The following FBXL12 variants were observed in gnomAD, a reference collection of about 807,000 sequenced individuals.
The protein encoded by FBXL12 is F-box and leucine rich repeat protein 12, also known as F-box/LRR-repeat protein 12.
In FBXL12, 22 loss-of-function variants were observed where a neutral mutation model predicts 24.9. The observed-to-expected ratio is 0.88, with a 90% confidence interval of 0.63 to 1.26. The LOEUF is 1.26. Among genes scored for constraint, FBXL12 ranks in the 50% most tolerant of loss-of-function variants. The pLI is 0.00. For synonymous variants in FBXL12, 193 were observed against 193.8 expected (o/e 1.00, Z 0.03); for missense variants, 384 against 434.1 (o/e 0.88, Z 1.03).
chr19:9,812,530 C>CAA (rs374538314), intron 2 of FBXL12, among the ~76,000 whole-genome samples: 834 of 32,190 alleles, frequency 0.026, 59 homozygotes, highest in African/African-American at 0.06. Flanking sequence ...GACTCTGTCT[C>CAA]AAAAAAAAAA....
At chr19:9,812,890 A>G (rs919868578) in intron 2 of FBXL12, among the ~76,000 whole-genome samples, 1 of 152,098 alleles carries the variant, frequency 6.6e-6, no homozygotes, top group Non-Finnish European at 1.5e-5. Context: ...CCTGACCAAC[A>G]TGGAGAAACC....
chr19:9,814,590 A>C (rs1288786390), intron 2 of FBXL12: 1 of 151,304 alleles, frequency 6.6e-6, no homozygotes, highest in Non-Finnish European at 1.5e-5. Context: ...CCAGCTTCTC[A>C]GGAGGCTGAG....
rs2045737630 is a variant in FBXL12 at position 9,811,146 on chromosome 19, C to T, written c.731G>A (p.Gly244Asp). ...CGGCATTCCCTCCAGCACAGCCAGG[C>T]CAGGGGCAGAGAGGCCCCTCACGGT... ...RLTVRGLSAP[G>D]LAVLEGMPAL... Residue 244 changes from glycine to aspartate, a missense_variant, in exon 3 of 3, where the codon GGC (glycine) becomes GAC (aspartate). Coordinates refer to ENST00000247977, the MANE Select transcript of FBXL12 (RefSeq NM_017703.3). The surrounding 1 kb of genome is among the most constrained non-coding windows in gnomAD (Gnocchi z 6.0). The T allele has an allele frequency of 6.2e-7, 1 of 1,606,038 alleles. No individual in the cohort carries two copies. Among genetic ancestry groups the T allele is most frequent in the South Asian group, 1.1e-5 (1 of 90,860 alleles).
intron 2 of FBXL12, among the ~76,000 whole-genome samples, chr19:9,812,693 A>T (rs1365075514): frequency 6.6e-6 from 1 of 151,388 alleles, no homozygotes; most frequent in East Asian, 1.9e-4. Flanking sequence ...CACCTCCAGT[A>T]GAAATAAGCA....
rs1362023235 is a variant in FBXL12, at chr19:9,818,883, T to C, written c.-70A>G. The stretch of plus-strand genomic sequence containing the variant: ...GGGGTCCTGGGGGCGCCGAGGCGGC[T>C]GACAGGGCGGCGGCCGCGACCTTCC... On this transcript the variant is annotated 5_prime_UTR_variant, in exon 1 of 3. Transcript: ENST00000247977. The C allele has an allele frequency of 1.4e-6, 2 of 1,431,766 alleles. No homozygotes were observed. Among genetic ancestry groups the C allele is most frequent in the East Asian group, 5.1e-5 (2 of 39,494 alleles). The allele number at this position is 1,431,766 out of a possible 1,614,324, so 88.7% of individuals were successfully genotyped here.
chr19:9,818,766 G>A lies in FBXL12; in HGVS notation c.48C>T (p.Phe16=). 1 of 1,555,894 alleles carries A rather than the reference G, an allele frequency of 6.4e-7. No homozygotes were observed. Among genetic ancestry groups the A allele is most frequent in the Non-Finnish European group, 8.7e-7 (1 of 1,148,560 alleles). The part of the protein sequence containing the change: ...ELPDSVLLEI[F]SYLPVRDRIR... ...TCCGGTCCCGTACCGGGAGGTAAGA[G>A]AAGATCTCGAGCAGGACCGAGTCCG... The change falls in exon 1 of 3, where the codon TTC becomes TTT. Residue 16 remains phenylalanine, a synonymous_variant. Transcript: ENST00000247977.
Position 9,811,067 on chromosome 19 carries a change from G to A in FBXL12, c.810C>T (p.Ser270=), listed in dbSNP as rs909808450. Residue 270 remains serine, a synonymous_variant, in exon 3 of 3, where the codon TCC becomes TCT. Transcript: ENST00000247977. The surrounding 1 kb of genome is among the most constrained non-coding windows in gnomAD (Gnocchi z 6.0). ...QGPLVTPEMP[S]PTEILSSCLT... is the part of the protein sequence containing the mutation. ...GGCAGGAGGAGAGGATTTCAGTGGG[G>A]GAGGGCATTTCTGGGGTGACGAGGG... is the stretch of plus-strand genomic sequence containing the variant. 5 of 1,612,190 alleles carry A rather than the reference G, an allele frequency of 3.1e-6. No individual in the cohort carries two copies. The highest frequency in any genetic ancestry group is 4.2e-6 in the Non-Finnish European group (5 of 1,178,670).
Position 9,819,017 on chromosome 19 carries a change from G to C in FBXL12, c.-204C>G. 1 of 598,104 alleles carries C rather than the reference G, an allele frequency of 1.7e-6. No individual in the cohort carries two copies. The highest frequency in any genetic ancestry group is 2.0e-5 in the South Asian group (1 of 49,884). 37.0% of individuals were successfully genotyped at this position (598,104 alleles called of 1,614,324 possible). A position where few individuals can be genotyped will look rare whatever the true frequency, so the allele number is the denominator to read the frequency against. ...AAACCAGCCTGGAAAGCGTGGCTGAGGCAGTGAGAGGCTTGCGGGAGGTGG... is the reference window on the plus strand; with the variant it reads ...AAACCAGCCTGGAAAGCGTGGCTGACGCAGTGAGAGGCTTGCGGGAGGTGG... On this transcript the variant is annotated 5_prime_UTR_variant, in exon 1 of 3. Coordinates refer to ENST00000247977, the MANE Select transcript of FBXL12 (RefSeq NM_017703.3).
Position 9,811,711 on chromosome 19 carries a change from G to T in FBXL12, c.166C>A (p.Pro56Thr). The change falls in exon 3 of 3, where the codon CCT (proline) becomes ACT (threonine). Residue 56 changes from proline to threonine, a missense_variant. Physicochemically the swap from Pro to Thr is conservative, Grantham distance 38 (BLOSUM62 -1). Coordinates refer to ENST00000247977, the MANE Select transcript of FBXL12 (RefSeq NM_017703.3). This position sits in a 1 kb window ranked among gnomAD's most constrained non-coding sequence, Gnocchi z 6.0. ...HVDLTLYTMR[P>T]KVMWHLLRRY... is the part of the protein sequence containing the mutation. The stretch of plus-strand genomic sequence containing the variant: ...CGAAGGAGGTGCCACATGACTTTAG[G>T]TCGCATCTGTAAGAGCCAGAGATTG... 6.6e-7 allele frequency: 1 copy of T among 1,510,692 alleles called. No homozygotes were observed. 93.6% of individuals were successfully genotyped at this position (1,510,692 alleles called of 1,614,324 possible). A position where few individuals can be genotyped will look rare whatever the true frequency, so the allele number is the denominator to read the frequency against.
chr19:9,818,789 C>G lies in FBXL12; in HGVS notation c.25G>C (p.Asp9His). ...GAGAAGATCTCGAGCAGGACCGAGT[C>G]CGGCAGTTCGACCAAAGTCGCCATG... MATLVELP[D>H]SVLLEIFSYL... Residue 9 changes from aspartate (D) to histidine (H), a missense_variant, in exon 1 of 3, where the codon GAC becomes CAC. Asp to His is a moderately conservative substitution (Grantham distance 81). Coordinates refer to ENST00000247977, the MANE Select transcript of FBXL12 (RefSeq NM_017703.3). 1.3e-6 allele frequency: 2 copies of G among 1,554,662 alleles called. No homozygotes were observed. Among genetic ancestry groups the G allele is most frequent in the Non-Finnish European group, 1.7e-6 (2 of 1,147,602 alleles).
intron 2 of FBXL12, chr19:9,813,502 ATTTTT>A: frequency 1.3e-5 from 2 of 153,300 alleles, no homozygotes; most frequent in South Asian, 2.7e-4. Context: ...TGCCCGGCTA[ATTTTT>A]TTTTTTTTTT....
chr19:9,813,885 C>T (rs2045817972), intron 2 of FBXL12, among the ~76,000 whole-genome samples: 1 of 151,708 alleles, frequency 6.6e-6, no homozygotes. Context: ...GTGATCTGTC[C>T]ACCTCGGCCT....
intron 2 of FBXL12, among the ~76,000 whole-genome samples, chr19:9,817,878 T>G (rs2045915431): frequency 6.6e-6 from 1 of 152,176 alleles, no homozygotes; most frequent in Non-Finnish European, 1.5e-5. Flanking sequence ...ATAATAGCAA[T>G]TATCTATGAA....
At chr19:9,818,408 G>T in intron 2 of FBXL12, 137 bp downstream of exon 2, 2 of 889,208 alleles carry the variant, frequency 2.2e-6, no homozygotes, top group South Asian at 1.7e-5. Context: ...AAGCGATGAT[G>T]CCGAGATAGG....
chr19:9,811,702 T>C lies in FBXL12; in HGVS notation c.175A>G (p.Met59Val). The C allele has an allele frequency of 6.6e-7, 1 of 1,511,510 alleles. No homozygotes were observed. The highest frequency in any genetic ancestry group is 8.8e-7 in the Non-Finnish European group (1 of 1,130,156). 93.6% of individuals were successfully genotyped at this position (1,511,510 alleles called of 1,614,324 possible). A position where few individuals can be genotyped will look rare whatever the true frequency, so the allele number is the denominator to read the frequency against. The change falls in exon 3 of 3, where the codon ATG (methionine) becomes GTG (valine). Residue 59 changes from methionine to valine, a missense_variant. Coordinates refer to ENST00000247977, the MANE Select transcript of FBXL12 (RefSeq NM_017703.3). The surrounding 1 kb of genome is among the most constrained non-coding windows in gnomAD (Gnocchi z 6.0). Reference sequence around the variant, plus strand: ...ATGTACCTTCGAAGGAGGTGCCACATGACTTTAGGTCGCATCTGTAAGAGC... The same window carrying C: ...ATGTACCTTCGAAGGAGGTGCCACACGACTTTAGGTCGCATCTGTAAGAGC... ...LTLYTMRPKV[M>V]WHLLRRYMAS...
At position 9,811,919 on chromosome 19, in the gene FBXL12, C is replaced by T. The variant is rs573818042; in HGVS notation, c.160-202G>A. On this transcript the variant is annotated intron_variant, in intron 2 of 2. Transcript: ENST00000247977. The surrounding 1 kb of genome is among the most constrained non-coding windows in gnomAD (Gnocchi z 6.0). Reference sequence around the variant, plus strand: ...GAGTGCACCATCTTGCCTGCTAGGGCTTTGAACAAATCTTTTTTTTTTTTT... The same window carrying T: ...GAGTGCACCATCTTGCCTGCTAGGGTTTTGAACAAATCTTTTTTTTTTTTT... Among the ~76,000 whole-genome samples the T allele has an allele frequency of 6.7e-6, 1 of 149,362 alleles. No homozygotes were observed. Among genetic ancestry groups the T allele is most frequent in the East Asian group, 2.0e-4 (1 of 5,056 alleles).
intron 2 of FBXL12, among the ~76,000 whole-genome samples, chr19:9,817,286 CA>C (rs983589850): frequency 1.3e-5 from 2 of 151,936 alleles, no homozygotes; most frequent in African/African-American, 4.8e-5. Flanking sequence ...AGATCCATCT[CA>C]AAAAAATAAA....
chr19:9,814,569 T>A (rs1334773582), intron 2 of FBXL12: 1 of 151,274 alleles, frequency 6.6e-6, no homozygotes, highest in African/African-American at 2.4e-5. Context: ...TGGTGGCACG[T>A]GCCTGTAGTC....
At position 9,818,926 on chromosome 19, in the gene FBXL12, T is replaced by C. The variant is rs528908619; in HGVS notation, c.-113A>G. 2.7e-4 allele frequency: 265 copies of C among 999,608 alleles called. No homozygotes were observed. Among genetic ancestry groups the C allele is most frequent in the Admixed American group, 7.7e-5 (3 of 38,846 alleles). 61.9% of individuals were successfully genotyped at this position (999,608 alleles called of 1,614,324 possible). On this transcript the variant is annotated 5_prime_UTR_variant, in exon 1 of 3. Transcript: ENST00000247977. ...GACCTTCCCGTAGCCGGTCGAGAAATTTGACCTTCCTCTCGCTGGGAAGTG... is the reference window on the plus strand; with the variant it reads ...GACCTTCCCGTAGCCGGTCGAGAAACTTGACCTTCCTCTCGCTGGGAAGTG...
Sources: gnomAD v4.1 joint callset for allele counts (sites outside exome capture counted in the v4.1 genomes callset) on GRCh38, gnomAD v4.1.1 for gene constraint, Gnocchi (gnomAD v3.1) non-coding constraint, MANE v1.5 for transcripts, NCBI Gene and HGNC (gene_info 2026-07-23, HGNC 2026-07-21) for gene names.